Variants in SYNM observed in about 807,000 individuals in gnomAD.
SYNM encodes the protein synemin, also known as desmuslin.
In SYNM, 95 loss-of-function variants were observed where a neutral mutation model predicts 104.0. The ratio of observed to expected loss-of-function variants is 0.91; its 90% CI spans 0.77 to 1.08. SYNM has a LOEUF of 1.08. Ranked by LOEUF, SYNM falls within the 50% of genes least tolerant of loss-of-function variation. The pLI is 0.00. For missense variants in SYNM, 2,150 were observed against 2,052.2 expected, an observed-to-expected ratio of 1.05 and a Z score of -0.92; for synonymous variants, 918 against 869.0, an observed-to-expected ratio of 1.06 and a Z score of -0.99.
Position 99,105,926 on chromosome 15 carries a change from G to A in SYNM, c.727G>A (p.Gly243Arg). ...AGAGGCGCTGCGGCGCGAGGCGCTC[G>A]GGTTGGAGCAGCTGCGCGCGCGGCT... ...EAEALRREAL[G>R]LEQLRARLED... Residue 243 changes from glycine (G) to arginine (R), a missense_variant, in exon 1 of 4, where the codon GGG becomes AGG. By Grantham distance (125) the Gly-to-Arg change is moderately radical (BLOSUM62 -2). Coordinates refer to ENST00000336292, the MANE Select transcript of SYNM (RefSeq NM_145728.3). 1.3e-6 allele frequency: 2 copies of A among 1,530,842 alleles called. No individual in the cohort carries two copies. The highest frequency in any genetic ancestry group is 1.7e-6 in the Non-Finnish European group (2 of 1,143,976). 94.8% of individuals were successfully genotyped at this position (1,530,842 alleles called of 1,614,324 possible).
At chr15:99,118,482 G>C (rs1555484185) in intron 2 of SYNM, among the ~76,000 whole-genome samples, 1 of 152,166 alleles carries the variant, frequency 6.6e-6, no homozygotes, top group African/African-American at 2.4e-5. Context: ...TCACATGCAA[G>C]GGAAGGGACT....
At chr15:99,128,777 T>A (rs2067470385) in intron 3 of SYNM, 1 of 154,832 alleles carries the variant, frequency 6.5e-6, no homozygotes, top group African/African-American at 2.4e-5. Context: ...CCGGGGTGTT[T>A]CTGCACTGGC....
At chr15:99,138,803 G>A (rs571130331), downstream of SYNM, among the ~76,000 whole-genome samples, 2 of 152,228 alleles carry the variant, frequency 1.3e-5, no homozygotes, top group South Asian at 2.1e-4. Context: ...CCGGGCTGTG[G>A]CCCTGTTTCC....
In SYNM at chr15:99,132,443, T is replaced by G. The variant is rs782144185; in HGVS notation, c.4083T>G (p.Gly1361=). The G allele has an allele frequency of 6.2e-7, 1 of 1,613,858 alleles. No homozygotes were observed. The highest frequency in any genetic ancestry group is 8.5e-7 in the Non-Finnish European group (1 of 1,179,894). Residue 1361 remains glycine, a synonymous_variant, in exon 4 of 4, where the codon GGT becomes GGG. Transcript: ENST00000336292. ...AGGCCACTCACAGTCATACCTCGGGTAGACAAACCGTTATGACTGAAAAGA... is the reference window on the plus strand; with the variant it reads ...AGGCCACTCACAGTCATACCTCGGGGAGACAAACCGTTATGACTGAAAAGA... ...VHQATHSHTS[G]RQTVMTEKST...
At chr15:99,110,496 C>G (rs952172304) in intron 1 of SYNM, among the ~76,000 whole-genome samples, 2 of 152,192 alleles carry the variant, frequency 1.3e-5, no homozygotes, top group Admixed American at 6.5e-5. Flanking sequence ...GCTATAAATA[C>G]TTCGTCGGCA....
At chr15:99,106,564 A>G (rs1555482832) in intron 1 of SYNM, among the ~76,000 whole-genome samples, 1 of 152,238 alleles carries the variant, frequency 6.6e-6, no homozygotes, top group Non-Finnish European at 1.5e-5. Flanking sequence ...AGGGGCAGCA[A>G]CCCTCATGCA....
rs545574708 is a variant in SYNM at position 99,131,845 on chromosome 15, C to T, written c.3485C>T (p.Ala1162Val). 3.0e-5 allele frequency: 48 copies of T among 1,613,792 alleles called. 1 individual carries two copies. The South Asian group carries it at 4.4e-4, about 15-fold the overall frequency. Reference sequence around the variant, plus strand: ...GCGGGAGGTGACCTAAGTCAGGCAGCGAGCCCGACCGGAGCCAGCCGGTCT... The same window carrying T: ...GCGGGAGGTGACCTAAGTCAGGCAGTGAGCCCGACCGGAGCCAGCCGGTCT... ...VSAGGDLSQA[A>V]SPTGASRSVR... is the part of the protein sequence containing the mutation. The change falls in exon 4 of 4, where the codon GCG becomes GTG. Residue 1162 changes from alanine (A) to valine (V), a missense_variant. By Grantham distance (64) the Ala-to-Val change is moderately conservative. Coordinates refer to ENST00000336292, the MANE Select transcript of SYNM (RefSeq NM_145728.3). The surrounding 1 kb of genome is among the most constrained non-coding windows in gnomAD (Gnocchi z 4.3).
chr15:99,127,842 A>G lies in SYNM; in HGVS notation c.1006+1050A>G, dbSNP rs911426937. On this transcript the variant is annotated intron_variant, in intron 3 of 3. Coordinates refer to ENST00000336292, the MANE Select transcript of SYNM (RefSeq NM_145728.3). ...TGTGGATACCTAAGTTTGGACATCC[A>G]TCATGTAACCTAGAGAGAGGGGAGA... 2.0e-5 allele frequency among the ~76,000 whole-genome samples: 3 copies of G among 152,216 alleles called. No homozygotes were observed. In the East Asian group the frequency reaches 5.8e-4, roughly 29 times the overall value.
rs1224805532 is a variant in SYNM, at chr15:99,105,917, G to T, written c.718G>T (p.Glu240Ter). 2 of 1,531,500 alleles carry T rather than the reference G, an allele frequency of 1.3e-6. No individual in the cohort carries two copies. The highest frequency in any genetic ancestry group is 1.7e-6 in the Non-Finnish European group (2 of 1,144,132). 94.9% of individuals were successfully genotyped at this position (1,531,500 alleles called of 1,614,324 possible). A position where few individuals can be genotyped will look rare whatever the true frequency, so the allele number is the denominator to read the frequency against. ...CAQEAEALRR[E>*]ALGLEQLRAR... ...GCAGGAGGCAGAGGCGCTGCGGCGC[G>T]AGGCGCTCGGGTTGGAGCAGCTGCG... The change falls in exon 1 of 4, where the codon GAG becomes TAG. Residue 240 changes from glutamate (E) to a stop codon, truncating the protein, a stop_gained. Transcript: ENST00000336292. LOFTEE classifies it high-confidence loss of function.
At chr15:99,109,669 C>T (rs190150790) in intron 1 of SYNM, among the ~76,000 whole-genome samples, 5 of 152,314 alleles carry the variant, frequency 3.3e-5, no homozygotes, top group Non-Finnish European at 4.4e-5. Context: ...CTGGTTCATT[C>T]GTTCAGCTAA....
At chr15:99,126,873 C>T in intron 3 of SYNM, 81 bp downstream of exon 3, 7 of 1,237,440 alleles carry the variant, frequency 5.7e-6, no homozygotes, top group Non-Finnish European at 7.9e-6. Context: ...GCACCATCAT[C>T]GGGAAGAACG....
intron 1 of SYNM, among the ~76,000 whole-genome samples, chr15:99,106,456 A>T (rs1308998917): frequency 6.6e-6 from 1 of 152,224 alleles, no homozygotes; most frequent in African/African-American, 2.4e-5. Flanking sequence ...GGGAAAACTC[A>T]AATTAATTTC....
chr15:99,130,005 G>C lies in SYNM; in HGVS notation c.1645G>C (p.Ala549Pro). 6.2e-7 allele frequency: 1 copy of C among 1,613,278 alleles called. No homozygotes were observed. The highest frequency in any genetic ancestry group is 8.5e-7 in the Non-Finnish European group (1 of 1,179,540). The change falls in exon 4 of 4, where the codon GCG (alanine) becomes CCG (proline). Residue 549 changes from alanine (A) to proline (P), a missense_variant. Ala to Pro is a conservative substitution (Grantham distance 27). Transcript: ENST00000336292. ...AGAATTGACAAAGTTAGATAAGGAA[G>C]CGAGACAGAGAGAAAGCCAGCAGAT... Reference protein sequence around the residue: ...WEELTKLDKEARQRESQQMKE... With the variant: ...WEELTKLDKEPRQRESQQMKE...
Position 99,129,945 on chromosome 15 carries a change from G to C in SYNM, c.1585G>C (p.Glu529Gln). 3 of 1,612,160 alleles carry C rather than the reference G, an allele frequency of 1.9e-6. No individual in the cohort carries two copies. The highest frequency in any genetic ancestry group is 2.5e-6 in the Non-Finnish European group (3 of 1,178,964). The stretch of plus-strand genomic sequence containing the variant: ...AGAAGAGAAAATGTTCGATTCTAAA[G>C]AGAAGGCTTCCGAGGAGAGAAACCT... ...KPEEKMFDSKEKASEERNLRW... is the reference protein window; with the variant it reads ...KPEEKMFDSKQKASEERNLRW... The change falls in exon 4 of 4, where the codon GAG becomes CAG. Residue 529 changes from glutamate (E) to glutamine (Q), a missense_variant. By Grantham distance (29) the Glu-to-Gln change is conservative (BLOSUM62 2). Coordinates refer to ENST00000336292, the MANE Select transcript of SYNM (RefSeq NM_145728.3).
intron 1 of SYNM, among the ~76,000 whole-genome samples, chr15:99,110,616 G>A (rs1457170412): frequency 6.6e-6 from 1 of 152,248 alleles, no homozygotes. Flanking sequence ...AAATGACAGT[G>A]ATATTTGTGA....
At chr15:99,109,835 G>A (rs1567274387) in intron 1 of SYNM, among the ~76,000 whole-genome samples, 2 of 152,192 alleles carry the variant, frequency 1.3e-5, no homozygotes, top group South Asian at 2.1e-4. Context: ...CCAGGCTGCC[G>A]GTGTGGCTAG....
chr15:99,106,045 C>T (rs1555482775), intron 1 of SYNM, 36 bp downstream of exon 1: 1 of 1,405,658 alleles, frequency 7.1e-7, no homozygotes, highest in Non-Finnish European at 9.2e-7. Flanking sequence ...ACCCCATACC[C>T]GCTGCCGTCG....
At chr15:99,109,858 A>G (rs1555483222) in intron 1 of SYNM, among the ~76,000 whole-genome samples, 2 of 152,098 alleles carry the variant, frequency 1.3e-5, no homozygotes, top group Non-Finnish European at 2.9e-5. Flanking sequence ...CACAGTGAAC[A>G]GGGGGTAGAG....
rs75183350 is a variant in SYNM, at chr15:99,107,777, C to T, written c.810+1768C>T. Reference sequence around the variant, plus strand: ...TTGACACAGGGACTCCAGGGCCCACCGGGGAAGTGCTTTTCCTGAGGTCAT... The same window carrying T: ...TTGACACAGGGACTCCAGGGCCCACTGGGGAAGTGCTTTTCCTGAGGTCAT... On this transcript the variant is annotated intron_variant, in intron 1 of 3. Transcript: ENST00000336292. Among the ~76,000 whole-genome samples, 7 of 152,158 alleles carry T rather than the reference C, an allele frequency of 4.6e-5. No homozygotes were observed. In the South Asian group the frequency reaches 8.3e-4, roughly 18 times the overall value.
Sources: allele counts gnomAD v4.1 joint callset (sites outside exome capture counted in the v4.1 genomes callset), GRCh38; gene constraint gnomAD v4.1.1; non-coding constraint Gnocchi (gnomAD v3.1); transcripts MANE v1.5; gene names NCBI Gene and HGNC (gene_info 2026-07-23, HGNC 2026-07-21).